Variants in CEP295 observed in about 807,000 individuals in gnomAD.
CEP295 encodes the protein centrosomal protein 295.
A neutral mutation model predicts 291.6 loss-of-function variants in CEP295; 190 were observed. The ratio of observed to expected loss-of-function variants is 0.65; its 90% CI spans 0.58 to 0.73. The LOEUF (loss-of-function observed/expected upper bound fraction) is 0.73, where lower values mean the gene tolerates loss of function less well. Ranked by LOEUF, CEP295 falls within the 30% of genes least tolerant of loss-of-function variation. The probability of loss-of-function intolerance (pLI) is 0.00; values close to 1 mark genes in which losing one functional copy is unlikely to be tolerated. For synonymous variants in CEP295, 993 were observed against 1,038.8 expected (o/e 0.96, Z 0.85); for missense variants, 2,863 against 2,949.4 (o/e 0.97, Z 0.68).
rs960160837 is a variant in CEP295, at chr11:93,728,810, T to G, written c.7291T>G (p.Cys2431Gly). The G allele has an allele frequency of 7.2e-6, 11 of 1,537,066 alleles. No homozygotes were observed. The highest frequency in any genetic ancestry group is 1.7e-4 in the Middle Eastern group (1 of 5,856). The change falls in exon 25 of 30, where the codon TGC (cysteine) becomes GGC (glycine). Residue 2431 changes from cysteine to glycine, a missense_variant. Cys to Gly is a radical substitution (Grantham distance 159). Transcript: ENST00000325212. The stretch of plus-strand genomic sequence containing the variant: ...AGAGAAGAGCGAGAATGAAGCAAAA[T>G]GCTTCTTTCAGGTAAATTTAAGCTT... The part of the protein sequence containing the change: ...LEEKSENEAK[C>G]FFQVSEFLPL...
intron 18 of CEP295, among the ~76,000 whole-genome samples, chr11:93,713,385 G>A (rs1953039568): frequency 6.6e-6 from 1 of 152,100 alleles, no homozygotes. Context: ...GGACAGGTCT[G>A]GTTTTGATTA....
In CEP295 at chr11:93,728,699, G is replaced by A. The variant is rs1366803382; in HGVS notation, c.7180G>A (p.Gly2394Ser). Reference sequence around the variant, plus strand: ...TTCACAGGAAACAGAAACTGGCCATGGTATAATGGAAGAACCAGAACTTAC... The same window carrying A: ...TTCACAGGAAACAGAAACTGGCCATAGTATAATGGAAGAACCAGAACTTAC... Reference protein sequence around the residue: ...IPVWETETGHGIMEEPELTLI... With the variant: ...IPVWETETGHSIMEEPELTLI... Residue 2394 changes from glycine (G) to serine (S), a missense_variant, in exon 25 of 30, where the codon GGT (glycine) becomes AGT (serine). Physicochemically the swap from Gly to Ser is moderately conservative, Grantham distance 56. Coordinates refer to ENST00000325212, the MANE Select transcript of CEP295 (RefSeq NM_033395.2). 2 of 1,540,440 alleles carry A rather than the reference G, an allele frequency of 1.3e-6. No homozygotes were observed. The highest frequency in any genetic ancestry group is 1.4e-5 in the African/African-American group (1 of 72,424).
At chr11:93,724,135 T>A (rs1953962621) in intron 21 of CEP295, 119 bp from the exon 22 acceptor site, 3 of 902,702 alleles carry the variant, frequency 3.3e-6, no homozygotes, top group African/African-American at 3.4e-5. Context: ...ACACTGGAGT[T>A]ACCTGAAAAT....
chr11:93,686,250 C>G (rs544272147), intron 9 of CEP295, among the ~76,000 whole-genome samples: 1 of 151,124 alleles, frequency 6.6e-6, no homozygotes, highest in East Asian at 2.0e-4. Flanking sequence ...ACCTGGGAGA[C>G]AAAGGCTGCA....
chr11:93,665,786 A>G (rs1258359828), intron 1 of CEP295, among the ~76,000 whole-genome samples: 1 of 152,236 alleles, frequency 6.6e-6, no homozygotes, highest in Non-Finnish European at 1.5e-5. Context: ...TTACGTCACT[A>G]TAATTATTGA....
chr11:93,719,876 T>C (rs991589534), intron 18 of CEP295, among the ~76,000 whole-genome samples: 2 of 152,302 alleles, frequency 1.3e-5, no homozygotes, highest in East Asian at 3.9e-4. Context: ...GACTACAATA[T>C]GTCTTGGTGA....
At chr11:93,683,273 G>A (rs756843489) in intron 7 of CEP295, among the ~76,000 whole-genome samples, 1 of 152,076 alleles carries the variant, frequency 6.6e-6, no homozygotes, top group African/African-American at 2.4e-5. Context: ...CAGCTTTATG[G>A]CCTAACCAGT....
At position 93,666,727 on chromosome 11, in the gene CEP295, A is replaced by G; in HGVS notation, c.20A>G (p.Asn7Ser). The change falls in exon 2 of 30, where the codon AAT becomes AGT. Residue 7 changes from asparagine to serine, a missense_variant. Coordinates refer to ENST00000325212, the MANE Select transcript of CEP295 (RefSeq NM_033395.2). MKRKVVNTHKLRLSPNE... is the reference protein window; with the variant it reads MKRKVVSTHKLRLSPNE... ...ACAGAAATGAAGAGAAAAGTCGTGA[A>G]TACTCACAAGCTGAGATTGAGTCCT... 1 of 1,540,328 alleles carries G rather than the reference A, an allele frequency of 6.5e-7. No homozygotes were observed. Among genetic ancestry groups the G allele is most frequent in the African/African-American group, 1.4e-5 (1 of 72,946 alleles).
chr11:93,729,684 T>C lies in CEP295; in HGVS notation c.7470T>C (p.Phe2490=). The change falls in exon 27 of 30, where the codon TTT becomes TTC. Residue 2490 remains phenylalanine (F), a synonymous_variant. Transcript: ENST00000325212. The stretch of plus-strand genomic sequence containing the variant: ...CATTTATAAAGAGGAAAAAATCATT[T>C]ATGGAGAGATCCCACCAGAGGCAGA... ...QEAFIKRKKS[F]MERSHQRQKE... is the part of the protein sequence containing the mutation. The C allele has an allele frequency of 3.2e-6, 5 of 1,550,794 alleles. No homozygotes were observed. The highest frequency in any genetic ancestry group is 4.4e-6 in the Non-Finnish European group (5 of 1,146,316).
chr11:93,690,715 A>G (rs1330010167), intron 10 of CEP295, among the ~76,000 whole-genome samples: 1 of 145,492 alleles, frequency 6.9e-6, no homozygotes, highest in East Asian at 2.0e-4. Flanking sequence ...GGGCGACAAA[A>G]TGAGACTCCG....
chr11:93,679,081 G>A (rs1950839461), intron 6 of CEP295, among the ~76,000 whole-genome samples: 2 of 152,122 alleles, frequency 1.3e-5, no homozygotes, highest in Non-Finnish European at 2.9e-5. Context: ...GACCTCAGGT[G>A]ATCCACCCAC....
chr11:93,724,210 T>C (rs778026134), intron 21 of CEP295, 44 bp from the exon 22 acceptor site: 2 of 1,506,176 alleles, frequency 1.3e-6, no homozygotes, highest in Non-Finnish European at 1.8e-6. Flanking sequence ...AAATTTATGA[T>C]TTTTTTCCCT....
rs555737678 is a variant in CEP295 at position 93,727,565 on chromosome 11, A to C, written c.7089A>C (p.Leu2363=). ...ETDIPKITKK[L]SQLGESELFA... ...ACATTCCAAAAATCACCAAAAAACT[A>C]TCTCAACTAGGAGAATCAGAGCTTT... Residue 2363 remains leucine, a synonymous_variant, in exon 24 of 30, where the codon CTA becomes CTC. Transcript: ENST00000325212. 4 of 1,551,434 alleles carry C rather than the reference A, an allele frequency of 2.6e-6. No individual in the cohort carries two copies. The highest frequency in any genetic ancestry group is 2.6e-6 in the Non-Finnish European group (3 of 1,146,914).
At chr11:93,728,853 A>G in intron 25 of CEP295, 32 bp downstream of exon 25, 3 of 1,512,680 alleles carry the variant, frequency 2.0e-6, no homozygotes, top group Non-Finnish European at 2.7e-6. Flanking sequence ...ATTTTATTCT[A>G]TTACAAGCAA....
At position 93,696,995 on chromosome 11, in the gene CEP295, G is replaced by A. The variant is rs372766524; in HGVS notation, c.2083G>A (p.Ala695Thr). 5.1e-5 allele frequency: 79 copies of A among 1,551,444 alleles called. No individual in the cohort carries two copies. Among genetic ancestry groups the A allele is most frequent in the Middle Eastern group, 1.7e-4 (1 of 5,994 alleles). The change falls in exon 15 of 30, where the codon GCT becomes ACT. Residue 695 changes from alanine to threonine, a missense_variant. Ala to Thr is a moderately conservative substitution (Grantham distance 58). Transcript: ENST00000325212. Reference sequence around the variant, plus strand: ...GGTGGAAACAACAGAAACATTACGCGCTTCAGATATTTTAACCAATCAAGC... The same window carrying A: ...GGTGGAAACAACAGAAACATTACGCACTTCAGATATTTTAACCAATCAAGC... ...RQVETTETLR[A>T]SDILTNQALE...
intron 6 of CEP295, among the ~76,000 whole-genome samples, chr11:93,677,025 G>T (rs752256123): frequency 6.6e-6 from 1 of 152,060 alleles, no homozygotes; most frequent in Non-Finnish European, 1.5e-5. Context: ...TCAGAAATGG[G>T]TTTATTACTG....
chr11:93,677,087 T>C (rs1266096379), intron 6 of CEP295, among the ~76,000 whole-genome samples: 1 of 152,108 alleles, frequency 6.6e-6, no homozygotes, highest in Non-Finnish European at 1.5e-5. Context: ...ACTGTATCAC[T>C]TAGGAAAAGT....
intron 18 of CEP295, among the ~76,000 whole-genome samples, chr11:93,712,942 T>G (rs887120540): frequency 3.3e-5 from 5 of 151,874 alleles, no homozygotes; most frequent in Non-Finnish European, 7.4e-5. Context: ...TTCTTGCTTT[T>G]TATTTTTTTT....
chr11:93,694,994 C>T (rs1387700023), intron 12 of CEP295, among the ~76,000 whole-genome samples: 1 of 152,138 alleles, frequency 6.6e-6, no homozygotes, highest in Non-Finnish European at 1.5e-5. Flanking sequence ...ATCTTTCTGC[C>T]ATTTTCTTCT....
Sources: allele counts gnomAD v4.1 joint callset (sites outside exome capture counted in the v4.1 genomes callset), GRCh38; gene constraint gnomAD v4.1.1; transcripts MANE v1.5; gene names NCBI Gene and HGNC (gene_info 2026-07-23, HGNC 2026-07-21).